Variants in MINDY1 observed in about 807,000 individuals in gnomAD.
MINDY1 encodes MINDY lysine 48 deubiquitinase 1.
A neutral mutation model predicts 53.6 loss-of-function variants in MINDY1; 50 were observed. That is an observed-to-expected ratio of 0.93 (90% confidence interval 0.74 to 1.18). The LOEUF (loss-of-function observed/expected upper bound fraction) is 1.18, where lower values mean the gene tolerates loss of function less well. Ranked by LOEUF, MINDY1 falls within the 50% of genes most tolerant of loss-of-function variation. MINDY1 has a pLI of 0.00. For synonymous variants in MINDY1, 231 were observed against 234.7 expected, an observed-to-expected ratio of 0.98 and a Z score of 0.14; for missense variants, 484 against 578.6, an observed-to-expected ratio of 0.84 and a Z score of 1.68.
chr1:151,004,356 C>G (rs1263713077), intron 1 of MINDY1, among the ~76,000 whole-genome samples: 1 of 152,152 alleles, frequency 6.6e-6, no homozygotes, highest in Non-Finnish European at 1.5e-5. Context: ...AACCACAAAT[C>G]CTGCCCTTTG....
intron 8 of MINDY1, 31 bp downstream of exon 8, chr1:150,998,051 T>C (rs1272392815): frequency 6.3e-7 from 1 of 1,583,342 alleles, no homozygotes; most frequent in Non-Finnish European, 8.6e-7. Context: ...GCACATGTGC[T>C]CTCTGCACTT....
intron 3 of MINDY1, 118 bp from the exon 4 acceptor site, chr1:151,001,432 A>G (rs1298601477): frequency 1.7e-6 from 2 of 1,201,584 alleles, no homozygotes; most frequent in East Asian, 2.3e-5. Flanking sequence ...GCTGGAAAAT[A>G]CTTAGAGTCT....
chr1:151,002,301 G>A lies in MINDY1; in HGVS notation c.317C>T (p.Thr106Ile), dbSNP rs568475469. ...GTAGAAATCTGGCTCAGGCTGTCGG[G>A]TCCTGGGGGACTGAGGAAGCTCCTG... is the stretch of plus-strand genomic sequence containing the variant. ...MPQELPQSPR[T>I]RQPEPDFYCV... The change falls in exon 2 of 10, where the codon ACC (threonine) becomes ATC (isoleucine). Residue 106 changes from threonine (T) to isoleucine (I), a missense_variant. By Grantham distance (89) the Thr-to-Ile change is moderately conservative. Coordinates refer to ENST00000683666, the MANE Select transcript of MINDY1 (RefSeq NM_001376665.1). The surrounding 1 kb of genome is among the most constrained non-coding windows in gnomAD (Gnocchi z 4.1). 7.4e-6 allele frequency: 12 copies of A among 1,614,176 alleles called. No homozygotes were observed. The highest frequency in any genetic ancestry group is 6.7e-5 in the African/African-American group (5 of 75,040).
chr1:150,998,633 G>A (rs1034877505), intron 7 of MINDY1, among the ~76,000 whole-genome samples: 2 of 152,192 alleles, frequency 1.3e-5, no homozygotes, highest in African/African-American at 4.8e-5. Flanking sequence ...TGGGATTACA[G>A]GCATGAGCCA....
chr1:151,005,474 G>GAAA (rs587751127), intron 1 of MINDY1, among the ~76,000 whole-genome samples: 1 of 135,336 alleles, frequency 7.4e-6, no homozygotes, highest in African/African-American at 2.7e-5. Flanking sequence ...AAGAAAAAAA[G>GAAA]AAAAAAAAAA....
rs780312155 is a variant in MINDY1 at position 151,002,498 on chromosome 1, T to C, written c.120A>G (p.Ala40=). 1 of 1,614,200 alleles carries C rather than the reference T, an allele frequency of 6.2e-7. No individual in the cohort carries two copies. Among genetic ancestry groups the C allele is most frequent in the Non-Finnish European group, 8.5e-7 (1 of 1,180,032 alleles). Reference sequence around the variant, plus strand: ...CTCTAGCCTCCCCATCAGCATCTCTTGCATCTGTGTCCTGAGGGTGCTCAT... The same window carrying C: ...CTCTAGCCTCCCCATCAGCATCTCTCGCATCTGTGTCCTGAGGGTGCTCAT... ...GPDEHPQDTD[A]RDADGEARER... Residue 40 remains alanine, a synonymous_variant, in exon 2 of 10, where the codon GCA becomes GCG. Transcript: ENST00000683666. The surrounding 1 kb of genome is among the most constrained non-coding windows in gnomAD (Gnocchi z 4.1).
At chr1:151,000,983 G>T (rs1161428025) in intron 4 of MINDY1, among the ~76,000 whole-genome samples, 1 of 152,000 alleles carries the variant, frequency 6.6e-6, no homozygotes, top group African/African-American at 2.4e-5. Flanking sequence ...AGAGACAGGG[G>T]TATTATTATG....
upstream of MINDY1, chr1:151,008,335 C>T: frequency 7.7e-7 from 1 of 1,306,246 alleles, no homozygotes; most frequent in Non-Finnish European, 9.9e-7. Context: ...ACTACGTTTC[C>T]CACGTCGCCC....
intron 5 of MINDY1, 47 bp downstream of exon 5, chr1:151,000,410 T>C (rs774997624): frequency 3.3e-6 from 5 of 1,532,398 alleles, no homozygotes; most frequent in Non-Finnish European, 4.4e-6. Flanking sequence ...GCCTCTCTCA[T>C]GTCAGCTTGA....
chr1:151,006,031 C>A (rs1673159304), intron 1 of MINDY1: 1 of 1,532,332 alleles, frequency 6.5e-7, no homozygotes, highest in Admixed American at 2.0e-5. Context: ...TGTCTTTGTG[C>A]AATCAATAGT....
At chr1:151,005,450 C>A in intron 1 of MINDY1, among the ~76,000 whole-genome samples, 1 of 145,766 alleles carries the variant, frequency 6.9e-6, no homozygotes, top group African/African-American at 2.5e-5. Flanking sequence ...GAGACTCTTG[C>A]CTCCAAAAAA....
upstream of MINDY1, among the ~76,000 whole-genome samples, chr1:151,007,657 A>G (rs1034206616): frequency 6.6e-6 from 1 of 152,216 alleles, no homozygotes; most frequent in Non-Finnish European, 1.5e-5. Context: ...GGCTGACGGT[A>G]GGAAATAAAG....
Position 150,999,817 on chromosome 1 carries a change from G to A in MINDY1, c.838+45C>T. The stretch of plus-strand genomic sequence containing the variant: ...CAATAAAAAATAAGCCTAAGTAGCT[G>A]TCATTCCCTCCACATACTATCCATG... On this transcript the variant is annotated intron_variant, in intron 6 of 9. Transcript: ENST00000683666. The surrounding 1 kb of genome is among the most constrained non-coding windows in gnomAD (Gnocchi z 4.4). 1 of 1,537,834 alleles carries A rather than the reference G, an allele frequency of 6.5e-7. No homozygotes were observed. Among genetic ancestry groups the A allele is most frequent in the Non-Finnish European group, 9.0e-7 (1 of 1,112,496 alleles).
chr1:151,006,073 G>C, intron 1 of MINDY1: 1 of 1,550,718 alleles, frequency 6.4e-7, no homozygotes, highest in South Asian at 1.2e-5. Flanking sequence ...TGTCAACCAT[G>C]GCCACAGTGC....
intron 1 of MINDY1, among the ~76,000 whole-genome samples, chr1:151,005,222 C>T (rs1302266950): frequency 2.6e-5 from 4 of 151,932 alleles, no homozygotes; most frequent in Non-Finnish European, 5.9e-5. Flanking sequence ...GAGGCCGAGG[C>T]GGGCGGATCA....
At chr1:151,006,986 C>T (rs900159238), upstream of MINDY1, 1 of 738,008 alleles carries the variant, frequency 1.4e-6, no homozygotes, top group Non-Finnish European at 1.7e-6. Context: ...TCTGGGCTCT[C>T]TCTCTGGGTA....
At chr1:151,007,610 C>T (rs587658388), upstream of MINDY1, among the ~76,000 whole-genome samples, 7 of 152,256 alleles carry the variant, frequency 4.6e-5, no homozygotes, top group East Asian at 1.2e-3. Flanking sequence ...CACCTCCTCT[C>T]GATTTACAGC....
chr1:151,001,750 T>G lies in MINDY1; in HGVS notation c.486A>C (p.Thr162=). 1 of 1,606,950 alleles carries G rather than the reference T, an allele frequency of 6.2e-7. No homozygotes were observed. Among genetic ancestry groups the G allele is most frequent in the South Asian group, 1.1e-5 (1 of 90,008 alleles). The stretch of plus-strand genomic sequence containing the variant: ...CAAGATGGGCCATGAGCTCATCCGA[T>G]GTGATCACTTCCTTCTGCGGGGGGA... ...VKLPPQKEVI[T]SDELMAHLGN... The change falls in exon 3 of 10, where the codon ACA becomes ACC. Residue 162 remains threonine, a synonymous_variant. Transcript: ENST00000683666.
chr1:151,003,914 TTTTA>T (rs1299026026), intron 1 of MINDY1, among the ~76,000 whole-genome samples: 1 of 152,076 alleles, frequency 6.6e-6, no homozygotes, highest in Non-Finnish European at 1.5e-5. Flanking sequence ...ATCCAAGTGG[TTTTA>T]TTTATTTATT....
Sources: allele counts gnomAD v4.1 joint callset (sites outside exome capture counted in the v4.1 genomes callset), GRCh38; gene constraint gnomAD v4.1.1; non-coding constraint Gnocchi (gnomAD v3.1); transcripts MANE v1.5; gene names NCBI Gene and HGNC (gene_info 2026-07-23, HGNC 2026-07-21).